Variants in ACO1 observed in about 807,000 individuals in gnomAD.
The protein encoded by ACO1 is cytoplasmic aconitate hydratase.
A neutral mutation model predicts 105.1 loss-of-function variants in ACO1; 78 were observed. That is an observed-to-expected ratio of 0.74 (90% CI 0.62 to 0.90). The LOEUF is 0.90. Ranked by LOEUF, ACO1 falls within the 40% of genes least tolerant of loss-of-function variation. The probability of loss-of-function intolerance (pLI) is 0.00; values close to 1 mark genes in which losing one functional copy is unlikely to be tolerated. For synonymous variants in ACO1, 364 were observed against 397.4 expected, an observed-to-expected ratio of 0.92 and a Z score of 1.00; for missense variants, 965 against 1,111.1, an observed-to-expected ratio of 0.87 and a Z score of 1.87.
At chr9:32,410,000 C>T (rs1394595675) in intron 4 of ACO1, among the ~76,000 whole-genome samples, 3 of 152,112 alleles carry the variant, frequency 2.0e-5, no homozygotes, top group Non-Finnish European at 4.4e-5. Context: ...GAAGAGATGA[C>T]TAAGTTTTGT....
chr9:32,413,672 G>C (rs1249492812), intron 4 of ACO1, among the ~76,000 whole-genome samples: 1 of 152,154 alleles, frequency 6.6e-6, no homozygotes, highest in African/African-American at 2.4e-5. Context: ...CTGGAAATGA[G>C]TGAGAAAAAC....
intron 19 of ACO1, among the ~76,000 whole-genome samples, chr9:32,446,884 C>A (rs1288420210): frequency 1.3e-5 from 2 of 152,242 alleles, no homozygotes; most frequent in African/African-American, 4.8e-5. Context: ...GTTGAAAATT[C>A]TTTAAGAATG....
chr9:32,409,103 TTTC>T (rs1464325353), intron 4 of ACO1, among the ~76,000 whole-genome samples: 2 of 152,228 alleles, frequency 1.3e-5, no homozygotes, highest in Non-Finnish European at 2.9e-5. Context: ...TTTCCCTGTG[TTTC>T]TTCTTTTGTT....
At chr9:32,423,203 T>C (rs1822013151) in intron 8 of ACO1, 116 bp from the exon 9 acceptor site, 1 of 567,382 alleles carries the variant, frequency 1.8e-6, no homozygotes, top group African/African-American at 2.0e-5. Context: ...TTGGTGTGTG[T>C]GTAAGTGCAG....
At chr9:32,435,189 A>T (rs1160402391) in intron 17 of ACO1, among the ~76,000 whole-genome samples, 1 of 152,154 alleles carries the variant, frequency 6.6e-6, no homozygotes, top group Non-Finnish European at 1.5e-5. Context: ...TCATATATTA[A>T]TCGAGGTCAG....
chr9:32,411,869 CATTTATTT>C (rs895105560), intron 4 of ACO1, among the ~76,000 whole-genome samples: 3 of 151,956 alleles, frequency 2.0e-5, no homozygotes, highest in Non-Finnish European at 2.9e-5. Flanking sequence ...CCCTTTATAT[CATTTATTT>C]ATTTATTTAT....
At chr9:32,447,479 AG>A (rs1445089413) in intron 19 of ACO1, among the ~76,000 whole-genome samples, 1 of 152,064 alleles carries the variant, frequency 6.6e-6, no homozygotes, top group Admixed American at 6.5e-5. Flanking sequence ...CCTTTTTTCA[AG>A]GTTCTTGGCT....
intron 1 of ACO1, among the ~76,000 whole-genome samples, chr9:32,386,664 A>C (rs1197074540): frequency 6.6e-6 from 1 of 152,216 alleles, no homozygotes; most frequent in Non-Finnish European, 1.5e-5. Flanking sequence ...TGTGTGTTGC[A>C]CAGTCCACAG....
chr9:32,436,450 G>T, intron 18 of ACO1, 53 bp downstream of exon 18: 1 of 1,598,824 alleles, frequency 6.3e-7, no homozygotes. Flanking sequence ...AGCCTTGGTG[G>T]AGGTTGGATA....
intron 1 of ACO1, among the ~76,000 whole-genome samples, chr9:32,400,667 T>C (rs1821476636): frequency 6.6e-6 from 1 of 152,234 alleles, no homozygotes; most frequent in Non-Finnish European, 1.5e-5. Context: ...TTGCTGAAGA[T>C]GTCAAGTTCT....
intron 1 of ACO1, 32 bp downstream of exon 1, chr9:32,384,767 C>A: frequency 2.7e-6 from 1 of 364,762 alleles, no homozygotes; most frequent in South Asian, 1.8e-5. Context: ...CCCACGTCCC[C>A]AGGCGGGAGC....
intron 10 of ACO1, among the ~76,000 whole-genome samples, chr9:32,425,323 AT>A (rs1409784329): frequency 3.3e-5 from 5 of 152,174 alleles, no homozygotes; most frequent in Non-Finnish European, 7.3e-5. Flanking sequence ...TGTATGATGG[AT>A]TTTATCTGTG....
intron 17 of ACO1, among the ~76,000 whole-genome samples, chr9:32,435,289 T>A (rs559859067): frequency 5.3e-5 from 8 of 152,340 alleles, no homozygotes; most frequent in African/African-American, 1.9e-4. Flanking sequence ...GTTCTTTCAG[T>A]GATTCCCCAG....
Position 32,426,003 on chromosome 9 carries a change from T to C in ACO1, c.1348+6T>C. 1.2e-6 allele frequency: 2 copies of C among 1,612,782 alleles called. No homozygotes were observed. The highest frequency in any genetic ancestry group is 1.1e-5 in the South Asian group (1 of 90,858). On this transcript the variant is annotated splice_donor_region_variant and intron_variant, in intron 11 of 20. Transcript: ENST00000309951. ...GTCTGTGATGTTAGGGGCAGGTAAG[T>C]GCATTTGACTCCATCCTCATGGTCA...
rs1822312515 is a variant in ACO1, at chr9:32,434,563, T to C, written c.1961T>C (p.Leu654Ser). ...ACTTTTTGTATTCTTTGCTAGACTTTGGATCTTCAGCCCCCTAAATCTATA... is the reference window on the plus strand; with the variant it reads ...ACTTTTTGTATTCTTTGCTAGACTTCGGATCTTCAGCCCCCTAAATCTATA... ...KSPPFFENLTLDLQPPKSIVD... is the reference protein window; with the variant it reads ...KSPPFFENLTSDLQPPKSIVD... The change falls in exon 17 of 21, where the codon TTG (leucine) becomes TCG (serine). Residue 654 changes from leucine to serine, a missense_variant. Leu to Ser is a moderately radical substitution (Grantham distance 145, BLOSUM62 -2). Coordinates refer to ENST00000309951, the MANE Select transcript of ACO1 (RefSeq NM_002197.3). The C allele has an allele frequency of 7.4e-6, 12 of 1,614,122 alleles. No homozygotes were observed. The highest frequency in any genetic ancestry group is 2.2e-5 in the South Asian group (2 of 91,072).
intron 1 of ACO1, among the ~76,000 whole-genome samples, chr9:32,390,396 C>A (rs1821243571): frequency 6.6e-6 from 1 of 152,198 alleles, no homozygotes; most frequent in Non-Finnish European, 1.5e-5. Context: ...TAAAGCCTTT[C>A]TTGAATCCCA....
Position 32,450,078 on chromosome 9 carries a change from C to T in ACO1, c.2637C>T (p.Ile879=). The T allele has an allele frequency of 1.1e-5, 18 of 1,613,888 alleles. No individual in the cohort carries two copies. Among genetic ancestry groups the T allele is most frequent in the Non-Finnish European group, 1.4e-5 (17 of 1,180,004 alleles). The change falls in exon 21 of 21, where the codon ATC becomes ATT. Residue 879 remains isoleucine, a synonymous_variant. Coordinates refer to ENST00000309951, the MANE Select transcript of ACO1 (RefSeq NM_002197.3). ...VELTYFLNGG[I]LNYMIRKMAK is the part of the protein sequence containing the mutation. ...TCACTTATTTCCTCAACGGGGGCAT[C>T]CTCAACTACATGATCCGCAAGATGG...
chr9:32,438,379 T>C (rs1822407738), intron 18 of ACO1, among the ~76,000 whole-genome samples: 1 of 152,054 alleles, frequency 6.6e-6, no homozygotes, highest in Non-Finnish European at 1.5e-5. Context: ...AGACATAGGA[T>C]CCAGATGAAG....
intron 19 of ACO1, chr9:32,445,683 C>T (rs1822588226): frequency 4.2e-6 from 1 of 236,492 alleles, no homozygotes; most frequent in Non-Finnish European, 8.8e-6. Context: ...TCTTGCTTCT[C>T]TAGTTCTTTT....
Sources: gnomAD v4.1 joint callset for allele counts (sites outside exome capture counted in the v4.1 genomes callset) on GRCh38, gnomAD v4.1.1 for gene constraint, MANE v1.5 for transcripts, NCBI Gene and HGNC (gene_info 2026-07-23, HGNC 2026-07-21) for gene names.